TAFA4: variants seen among roughly 807,000 people sequenced by gnomAD.
TAFA4 encodes chemokine-like protein TAFA-4.
A neutral mutation model predicts 21.1 loss-of-function variants in TAFA4; 20 were observed. The ratio of observed to expected loss-of-function variants is 0.95; its 90% CI spans 0.67 to 1.38. The LOEUF (loss-of-function observed/expected upper bound fraction) is 1.38. Ranked by LOEUF, TAFA4 falls within the 40% of genes most tolerant of loss-of-function variation. TAFA4 has a pLI of 0.00. For missense variants in TAFA4, 211 were observed against 180.9 expected (o/e 1.17, Z -0.95); for synonymous variants, 71 against 67.4 (o/e 1.05, Z -0.26).
intron 3 of TAFA4, among the ~76,000 whole-genome samples, chr3:68,850,069 CTT>C (rs1194251765): frequency 5.3e-5 from 8 of 152,164 alleles, no homozygotes; most frequent in Non-Finnish European, 7.3e-5. Flanking sequence ...AAAATTGCCT[CTT>C]TTCCCATGAA....
intron 1 of TAFA4, among the ~76,000 whole-genome samples, chr3:68,929,857 A>T (rs1390091915): frequency 3.3e-5 from 5 of 152,238 alleles, no homozygotes; most frequent in Non-Finnish European, 5.9e-5. Context: ...TCCCTTATTC[A>T]TCACAGGCAA....
chr3:68,914,444 G>C (rs910304034), intron 1 of TAFA4, among the ~76,000 whole-genome samples: 1 of 152,032 alleles, frequency 6.6e-6, no homozygotes, highest in South Asian at 2.1e-4. Context: ...ATTAAGATTT[G>C]GACACTTTAT....
At chr3:68,893,095 T>C (rs986581179) in intron 1 of TAFA4, among the ~76,000 whole-genome samples, 1 of 152,200 alleles carries the variant, frequency 6.6e-6, no homozygotes, top group Admixed American at 6.5e-5. Flanking sequence ...ATTGGACCAG[T>C]TTTTAATTGG....
intron 5 of TAFA4, among the ~76,000 whole-genome samples, chr3:68,736,600 T>C (rs1482721181): frequency 1.3e-5 from 2 of 152,136 alleles, no homozygotes; most frequent in African/African-American, 2.4e-5. Flanking sequence ...AAATGGAAAC[T>C]ATTATTGTTA....
intron 3 of TAFA4, among the ~76,000 whole-genome samples, chr3:68,768,562 A>G (rs1702898456): frequency 6.6e-6 from 1 of 152,202 alleles, no homozygotes; most frequent in African/African-American, 2.4e-5. Flanking sequence ...TTAAAAATAG[A>G]AGACTATCTC....
At chr3:68,862,874 C>T (rs1234871374) in intron 3 of TAFA4, among the ~76,000 whole-genome samples, 4 of 151,828 alleles carry the variant, frequency 2.6e-5, no homozygotes, top group Non-Finnish European at 5.9e-5. Context: ...CACACACACA[C>T]ACACACAATC....
At chr3:68,917,685 C>T (rs898632426) in intron 1 of TAFA4, among the ~76,000 whole-genome samples, 18 of 144,418 alleles carry the variant, frequency 1.2e-4, no homozygotes, top group African/African-American at 4.4e-4. Flanking sequence ...ACTCGAGAGG[C>T]AGAGGTTGCA....
chr3:68,826,592 G>T (rs1575627333), intron 3 of TAFA4, among the ~76,000 whole-genome samples: 1 of 147,236 alleles, frequency 6.8e-6, no homozygotes, highest in Non-Finnish European at 1.5e-5. Flanking sequence ...AAAAAAAAAG[G>T]TTAACTCAGA....
chr3:68,798,924 A>C (rs181781708), intron 3 of TAFA4, among the ~76,000 whole-genome samples: 249 of 152,334 alleles, frequency 1.6e-3, no homozygotes, highest in African/African-American at 5.8e-3. Flanking sequence ...ATTAAGTTTA[A>C]ATATGTCACT....
intron 3 of TAFA4, among the ~76,000 whole-genome samples, chr3:68,767,205 T>A (rs1702871676): frequency 6.6e-6 from 1 of 152,126 alleles, no homozygotes; most frequent in Non-Finnish European, 1.5e-5. Context: ...CACAATTATT[T>A]AATAATTTAC....
chr3:68,795,695 T>C (rs1183508304), intron 3 of TAFA4, among the ~76,000 whole-genome samples: 19 of 152,138 alleles, frequency 1.2e-4, no homozygotes, highest in Admixed American at 9.2e-4. Flanking sequence ...AAAAACTGAA[T>C]CCTCGAGCTA....
rs1306979130 is a variant in TAFA4 at position 68,732,032 on chromosome 3, A to G, written c.*1110T>C. On this transcript the variant is annotated 3_prime_UTR_variant, in exon 6 of 6. Transcript: ENST00000295569. ...TATTTTTACAGTAGTATGTACTTTA[A>G]CAACATTATACATCTAAAATCTGGG... 2.6e-5 allele frequency: 4 copies of G among 152,546 alleles called. No individual in the cohort carries two copies. Among genetic ancestry groups the G allele is most frequent in the African/African-American group, 9.6e-5 (4 of 41,456 alleles). 9.4% of individuals were successfully genotyped at this position (152,546 alleles called of 1,614,324 possible). A position where few individuals can be genotyped will look rare whatever the true frequency, so the allele number is the denominator to read the frequency against.
chr3:68,760,273 T>A (rs1218877232), intron 3 of TAFA4, among the ~76,000 whole-genome samples: 1 of 152,184 alleles, frequency 6.6e-6, no homozygotes, highest in Admixed American at 6.5e-5. Flanking sequence ...TTTTTCTTAT[T>A]AAATATACTT....
intron 3 of TAFA4, among the ~76,000 whole-genome samples, chr3:68,873,188 C>A (rs1281095215): frequency 3.3e-5 from 5 of 152,010 alleles, no homozygotes; most frequent in Non-Finnish European, 7.4e-5. Flanking sequence ...CATTAGAAAA[C>A]AAATTCCAGA....
At chr3:68,894,531 G>C (rs2089765546) in intron 1 of TAFA4, among the ~76,000 whole-genome samples, 1 of 152,308 alleles carries the variant, frequency 6.6e-6, no homozygotes, top group Non-Finnish European at 1.5e-5. Context: ...CATCCAGCCT[G>C]TGTGTACTGA....
chr3:68,827,048 C>A (rs1379034844), intron 3 of TAFA4, among the ~76,000 whole-genome samples: 21 of 148,154 alleles, frequency 1.4e-4, no homozygotes, highest in Admixed American at 7.4e-4. Flanking sequence ...CCCCCACCCC[C>A]CAACAGGCCC....
intron 3 of TAFA4, among the ~76,000 whole-genome samples, chr3:68,822,314 G>A (rs1704130561): frequency 6.6e-6 from 1 of 152,134 alleles, no homozygotes; most frequent in Admixed American, 6.5e-5. Context: ...ACTCTATTAT[G>A]AACTCTGATT....
intron 3 of TAFA4, among the ~76,000 whole-genome samples, chr3:68,873,376 A>C (rs908704892): frequency 2.9e-5 from 4 of 138,456 alleles, no homozygotes; most frequent in Non-Finnish European, 4.7e-5. Flanking sequence ...ACACACACAC[A>C]CCCTGGGCCA....
chr3:68,910,235 G>A (rs1312818326), intron 1 of TAFA4, among the ~76,000 whole-genome samples: 2 of 152,192 alleles, frequency 1.3e-5, no homozygotes, highest in African/African-American at 4.8e-5. Flanking sequence ...CCATCTCAAG[G>A]GGAGGTGATT....
Sources: allele counts gnomAD v4.1 joint callset (sites outside exome capture counted in the v4.1 genomes callset), GRCh38; gene constraint gnomAD v4.1.1; transcripts MANE v1.5; gene names NCBI Gene and HGNC (gene_info 2026-07-23, HGNC 2026-07-21).